The following PIK3C2G variants were observed in gnomAD, a reference collection of about 807,000 sequenced individuals.
PIK3C2G encodes phosphatidylinositol 3-kinase C2 domain-containing subunit gamma.
Under a neutral mutation model 181.1 loss-of-function variants are expected in PIK3C2G, and 168 were observed. The observed-to-expected ratio is 0.93, with a 90% CI of 0.82 to 1.05. The LOEUF (loss-of-function observed/expected upper bound fraction) is 1.05. Ranked by LOEUF, PIK3C2G falls within the 50% of genes least tolerant of loss-of-function variation. The pLI, the probability that PIK3C2G is intolerant of heterozygous loss-of-function variation, is 0.00. For synonymous variants in PIK3C2G, 573 were observed against 592.2 expected, an observed-to-expected ratio of 0.97 and a Z score of 0.47; for missense variants, 1,869 against 1,732.8, an observed-to-expected ratio of 1.08 and a Z score of -1.40.
At chr12:18,541,371 C>T (rs1944143293) in intron 25 of PIK3C2G, among the ~76,000 whole-genome samples, 1 of 151,830 alleles carries the variant, frequency 6.6e-6, no homozygotes. Flanking sequence ...CTGTAGGAGA[C>T]CCAAGAGTAT....
chr12:18,445,708 G>C (rs139743570), intron 18 of PIK3C2G, among the ~76,000 whole-genome samples: 3 of 152,036 alleles, frequency 2.0e-5, no homozygotes, highest in Non-Finnish European at 4.4e-5. Context: ...AAAAGATTTT[G>C]TTATACTCAT....
chr12:18,538,126 C>T (rs371788852), intron 24 of PIK3C2G, 30 bp from the exon 25 acceptor site: 23 of 1,587,008 alleles, frequency 1.4e-5, no homozygotes, highest in East Asian at 9.0e-5. Flanking sequence ...TCTCTTCCTT[C>T]GAATGATTGC....
chr12:18,688,171 T>C, the PIK3C2G span: 1 of 1,611,266 alleles, frequency 6.2e-7, no homozygotes, highest in Admixed American at 1.7e-5. Context: ...ATGAATCACC[T>C]TTGTTAGATG....
intron 16 of PIK3C2G, among the ~76,000 whole-genome samples, chr12:18,404,318 T>C (rs922818427): frequency 2.6e-5 from 4 of 152,160 alleles, no homozygotes; most frequent in Non-Finnish European, 4.4e-5. Context: ...CATTTATTTA[T>C]TGAACAAAAA....
the PIK3C2G span, among the ~76,000 whole-genome samples, chr12:18,713,260 A>G: frequency 1.3e-5 from 2 of 152,132 alleles, no homozygotes; most frequent in Non-Finnish European, 2.9e-5. Context: ...CTTGGTTTTC[A>G]GTAAGCAATG....
At chr12:18,470,034 T>A (rs2135972575) in intron 18 of PIK3C2G, among the ~76,000 whole-genome samples, 1 of 152,210 alleles carries the variant, frequency 6.6e-6, no homozygotes, top group African/African-American at 2.4e-5. Context: ...TATACTTTAT[T>A]TCTTTATCAC....
intron 31 of PIK3C2G, among the ~76,000 whole-genome samples, chr12:18,613,793 G>A (rs1592717211): frequency 6.6e-6 from 1 of 152,030 alleles, no homozygotes; most frequent in Non-Finnish European, 1.5e-5. Context: ...CAAGTGGCTA[G>A]TACCCTAATG....
At chr12:18,626,198 A>AT (rs1329285336) in intron 31 of PIK3C2G, among the ~76,000 whole-genome samples, 8 of 151,254 alleles carry the variant, frequency 5.3e-5, no homozygotes, top group Admixed American at 3.3e-4. Context: ...TTTTCTATAG[A>AT]TTTTTTCTCC....
Position 18,455,363 on chromosome 12 carries a change from G to T in PIK3C2G, c.2504+31324G>T, listed in dbSNP as rs542390477. On this transcript the variant is annotated intron_variant, in intron 18 of 32. Transcript: ENST00000538779. ...AGGTTGGGAAGGGGAGGGGGGTGGCGGTTGGTGGAGAAGAGTCAAGAATGA... is the reference window on the plus strand; with the variant it reads ...AGGTTGGGAAGGGGAGGGGGGTGGCTGTTGGTGGAGAAGAGTCAAGAATGA... 9.2e-5 allele frequency among the ~76,000 whole-genome samples: 14 copies of T among 151,964 alleles called. 1 individual carries two copies. Among genetic ancestry groups the T allele is most frequent in the Admixed American group, 7.2e-4 (11 of 15,232 alleles).
intron 24 of PIK3C2G, among the ~76,000 whole-genome samples, chr12:18,530,944 G>A (rs1348031929): frequency 6.6e-6 from 1 of 152,016 alleles, no homozygotes; most frequent in East Asian, 1.9e-4. Flanking sequence ...TTATAGCAGT[G>A]TGAGAATGGA....
At chr12:18,669,632 G>A in the PIK3C2G span, among the ~76,000 whole-genome samples, 1 of 151,510 alleles carries the variant, frequency 6.6e-6, no homozygotes, top group Non-Finnish European at 1.5e-5. Flanking sequence ...TCCTCACATG[G>A]CAGAGAGAGG....
the PIK3C2G span, among the ~76,000 whole-genome samples, chr12:18,703,047 G>A: frequency 4.6e-5 from 7 of 152,054 alleles, no homozygotes; most frequent in African/African-American, 1.2e-4. Flanking sequence ...AGCTATGTAC[G>A]GGAATGCTAG....
In PIK3C2G at chr12:18,282,162, A is replaced by G. The variant is rs1949247473; in HGVS notation, c.81A>G (p.Val27=). 6.2e-7 allele frequency: 1 copy of G among 1,611,170 alleles called. No individual in the cohort carries two copies. Among genetic ancestry groups the G allele is most frequent in the Non-Finnish European group, 8.5e-7 (1 of 1,178,134 alleles). Reference sequence around the variant, plus strand: ...ATGAACACCAAGAATTTCTCTTTGTAAATCAACCCCATTCTTCTAGCCAAG... The same window carrying G: ...ATGAACACCAAGAATTTCTCTTTGTGAATCAACCCCATTCTTCTAGCCAAG... ...KQYEHQEFLF[V]NQPHSSSQVS... The change falls in exon 2 of 33, where the codon GTA becomes GTG. Residue 27 remains valine, a synonymous_variant. Transcript: ENST00000538779.
chr12:18,716,925 A>G, the PIK3C2G span, among the ~76,000 whole-genome samples: 1 of 152,190 alleles, frequency 6.6e-6, no homozygotes, highest in Non-Finnish European at 1.5e-5. Context: ...TTTTGTAAAT[A>G]TGAGGAAATC....
chr12:18,474,687 T>C (rs1175304472), intron 18 of PIK3C2G, among the ~76,000 whole-genome samples: 1 of 152,116 alleles, frequency 6.6e-6, no homozygotes, highest in African/African-American at 2.4e-5. Context: ...TAAGCATTAT[T>C]GAGTTTGTCC....
At chr12:18,519,085 G>A (rs1398412888) in intron 24 of PIK3C2G, among the ~76,000 whole-genome samples, 1 of 152,216 alleles carries the variant, frequency 6.6e-6, no homozygotes, top group African/African-American at 2.4e-5. Context: ...TGATTGCACT[G>A]TGGTCTGAGA....
At chr12:18,654,743 A>G in the PIK3C2G span, among the ~76,000 whole-genome samples, 3 of 152,168 alleles carry the variant, frequency 2.0e-5, no homozygotes, top group Admixed American at 6.6e-5. Context: ...TTTACATGGG[A>G]CTTTCCTACT....
At chr12:18,343,622 A>G (rs1190405708) in intron 10 of PIK3C2G, among the ~76,000 whole-genome samples, 17 of 152,030 alleles carry the variant, frequency 1.1e-4, no homozygotes, top group Admixed American at 1.1e-3. Flanking sequence ...GAGAAAAATA[A>G]AAAGATCTAT....
intron 21 of PIK3C2G, 90 bp from the exon 22 acceptor site, chr12:18,497,529 C>A: frequency 1.1e-6 from 1 of 934,402 alleles, no homozygotes; most frequent in Non-Finnish European, 1.6e-6. Context: ...GAAATGTATC[C>A]AAGGAGAAAA....
Sources: allele counts gnomAD v4.1 joint callset (sites outside exome capture counted in the v4.1 genomes callset), GRCh38; gene constraint gnomAD v4.1.1; transcripts MANE v1.5; gene names NCBI Gene and HGNC (gene_info 2026-07-23, HGNC 2026-07-21).